The following ANO5 variants were observed in gnomAD, a reference collection of about 807,000 sequenced individuals.
ANO5 encodes anoctamin-5.
In ANO5, 109 loss-of-function variants were observed where a neutral mutation model predicts 121.0. The ratio of observed to expected loss-of-function variants is 0.90; its 90% CI spans 0.77 to 1.06. The LOEUF (loss-of-function observed/expected upper bound fraction) is 1.06. Among genes scored for constraint, ANO5 ranks in the 50% least tolerant of loss-of-function variants. The pLI is 0.00. For missense variants in ANO5, 1,064 were observed against 1,078.5 expected, an observed-to-expected ratio of 0.99 and a Z score of 0.19; for synonymous variants, 406 against 359.9, an observed-to-expected ratio of 1.13 and a Z score of -1.45.
intron 19 of ANO5, 126 bp from the exon 20 acceptor site, chr11:22,274,443 G>C (rs1854753243): frequency 1.1e-6 from 1 of 887,686 alleles, no homozygotes; most frequent in Non-Finnish European, 1.7e-6. Context: ...ATATTACTAT[G>C]ATTTATAATA....
At position 22,221,176 on chromosome 11, in the gene ANO5, T is replaced by C. The variant is rs773184465; in HGVS notation, c.260T>C (p.Val87Ala). The change falls in exon 5 of 22, where the codon GTT (valine) becomes GCT (alanine). Residue 87 changes from valine to alanine, a missense_variant. By Grantham distance (64) the Val-to-Ala change is moderately conservative. Coordinates refer to ENST00000324559, the MANE Select transcript of ANO5 (RefSeq NM_213599.3). ...IRQIDFVLSY[V>A]DDVKKDAELK... ...CAAATTGATTTTGTGCTTTCCTACG[T>C]TGATGATGTAAAGAAAGACGCAGAG... 3 of 1,611,830 alleles carry C rather than the reference T, an allele frequency of 1.9e-6. No homozygotes were observed. Among genetic ancestry groups the C allele is most frequent in the Non-Finnish European group, 2.5e-6 (3 of 1,178,534 alleles).
intron 17 of ANO5, among the ~76,000 whole-genome samples, chr11:22,269,756 CCAGT>C (rs1404934645): frequency 6.6e-6 from 1 of 151,936 alleles, no homozygotes; most frequent in African/African-American, 2.4e-5. Flanking sequence ...TCACCTCAAA[CCAGT>C]CAATGTGATA....
chr11:22,239,665 C>G lies in ANO5; in HGVS notation c.859C>G (p.Gln287Glu), dbSNP rs1554927050. 3 of 1,607,470 alleles carry G rather than the reference C, an allele frequency of 1.9e-6. No individual in the cohort carries two copies. Among genetic ancestry groups the G allele is most frequent in the Non-Finnish European group, 2.6e-6 (3 of 1,174,184 alleles). ...WARFSYFYKE[Q>E]PLDLIKNYYG... is the part of the protein sequence containing the mutation. ...TCGATTTTCCTATTTCTACAAGGAGCAGCCTTTAGACTTGATTAAGTAAGT... is the reference window on the plus strand; with the variant it reads ...TCGATTTTCCTATTTCTACAAGGAGGAGCCTTTAGACTTGATTAAGTAAGT... The change falls in exon 9 of 22, where the codon CAG becomes GAG. Residue 287 changes from glutamine to glutamate, a missense_variant. Transcript: ENST00000324559.
Position 22,257,667 on chromosome 11 carries a change from TTCAATA to T in ANO5, c.1333-11_1333-6del. On this transcript the variant is annotated splice_region_variant and splice_polypyrimidine_tract_variant and intron_variant, in intron 13 of 21. Coordinates refer to ENST00000324559, the MANE Select transcript of ANO5 (RefSeq NM_213599.3). ...AGATTTTGAATTTCTTTGTGATTTC[TTCAATA>T]TTACAGGAGATGGAACCTTACATGC... The T allele has an allele frequency of 2.5e-6, 4 of 1,598,858 alleles. No homozygotes were observed. The highest frequency in any genetic ancestry group is 3.4e-6 in the Non-Finnish European group (4 of 1,166,410).
In ANO5 at chr11:22,250,764, T is replaced by C. The variant is rs780757875; in HGVS notation, c.1037T>C (p.Ile346Thr). Residue 346 changes from isoleucine (I) to threonine (T), a missense_variant, in exon 11 of 22, where the codon ATT (isoleucine) becomes ACT (threonine). Physicochemically the swap from Ile to Thr is moderately conservative, Grantham distance 89. Transcript: ENST00000324559. ...AGCACTGAAATCTGTGACCCTGAGA[T>C]TGGTGGTCAGATGATCATGTGCCCA... ...TSSTEICDPE[I>T]GGQMIMCPLC... is the part of the protein sequence containing the mutation. The C allele has an allele frequency of 3.1e-6, 5 of 1,613,954 alleles. No homozygotes were observed. The highest frequency in any genetic ancestry group is 3.4e-6 in the Non-Finnish European group (4 of 1,179,940).
intron 21 of ANO5, chr11:22,277,844 A>G (rs1002684595): frequency 2.0e-5 from 3 of 151,480 alleles, no homozygotes; most frequent in African/African-American, 2.4e-5. Context: ...TGAAGACTAA[A>G]TTTTCTGCAA....
At position 22,283,167 on chromosome 11, in the gene ANO5, T is replaced by C. The variant is rs1390821593; in HGVS notation, c.*3402T>C. On this transcript the variant is annotated 3_prime_UTR_variant, in exon 22 of 22. Coordinates refer to ENST00000324559, the MANE Select transcript of ANO5 (RefSeq NM_213599.3). ...GGTTTGACTGGGTGTATCTCTCCTATGTGTGACATTATGTCTCCTGGTGTT... is the reference window on the plus strand; with the variant it reads ...GGTTTGACTGGGTGTATCTCTCCTACGTGTGACATTATGTCTCCTGGTGTT... The C allele has an allele frequency of 1.3e-5, 2 of 152,254 alleles. No individual in the cohort carries two copies. The highest frequency in any genetic ancestry group is 4.8e-5 in the African/African-American group (2 of 41,476). 9.4% of individuals were successfully genotyped at this position (152,254 alleles called of 1,614,324 possible).
chr11:22,262,435 T>C (rs1226820501), intron 16 of ANO5, 137 bp downstream of exon 16: 3 of 874,992 alleles, frequency 3.4e-6, no homozygotes, highest in African/African-American at 3.4e-5. Context: ...CAGAGAGTAT[T>C]GTTCACAGAT....
intron 7 of ANO5, among the ~76,000 whole-genome samples, chr11:22,234,689 A>G (rs1853156314): frequency 2.0e-5 from 3 of 152,188 alleles, no homozygotes; most frequent in Admixed American, 2.0e-4. Flanking sequence ...TTTTGGCACC[A>G]GGGAAAATCT....
At chr11:22,269,616 A>G (rs1854536366) in intron 17 of ANO5, among the ~76,000 whole-genome samples, 1 of 152,052 alleles carries the variant, frequency 6.6e-6, no homozygotes, top group Non-Finnish European at 1.5e-5. Flanking sequence ...CTAGGATTTT[A>G]GTAGATATTT....
chr11:22,225,848 G>A, intron 5 of ANO5, 136 bp from the exon 6 acceptor site: 3 of 661,472 alleles, frequency 4.5e-6, no homozygotes, highest in Non-Finnish European at 8.1e-6. Context: ...ACATTCAGAT[G>A]GAGCATTTTT....
intron 3 of ANO5, among the ~76,000 whole-genome samples, chr11:22,214,204 C>T (rs12277755): frequency 0.68 from 103,292 of 151,782 alleles, 37,022 homozygotes; most frequent in Non-Finnish European, 0.81. Context: ...CATCACTTGG[C>T]TGGAAGCTTT....
chr11:22,270,323 A>AT lies in ANO5; in HGVS notation c.1912dup (p.Trp638LeufsTer12). ...ATCACTTCCAACAGCTTGGCTTTGAATTGGTGGAGACGCCGAAAAGCTCGG... is the reference window on the plus strand; with the variant it reads ...ATCACTTCCAACAGCTTGGCTTTGAATTTGGTGGAGACGCCGAAAAGCTCGG... On this transcript the variant is annotated frameshift_variant, in exon 18 of 22. Coordinates refer to ENST00000324559, the MANE Select transcript of ANO5 (RefSeq NM_213599.3). LOFTEE classifies it high-confidence loss of function. The AT allele has an allele frequency of 6.2e-7, 1 of 1,614,086 alleles. No homozygotes were observed. The highest frequency in any genetic ancestry group is 1.1e-5 in the South Asian group (1 of 91,084).
chr11:22,275,998 G>T, intron 20 of ANO5, 96 bp from the exon 21 acceptor site: 10 of 807,572 alleles, frequency 1.2e-5, no homozygotes, highest in Non-Finnish European at 2.1e-5. Context: ...CAACTAGAAA[G>T]GTCTGTTAAG....
chr11:22,194,582 A>C (rs1458494048), intron 1 of ANO5, among the ~76,000 whole-genome samples: 1 of 152,142 alleles, frequency 6.6e-6, no homozygotes, highest in East Asian at 1.9e-4. Flanking sequence ...CCAAATAGAA[A>C]CCTCTTAGGC....
chr11:22,239,673 A>C lies in ANO5; in HGVS notation c.867A>C (p.Leu289Phe). ...RFSYFYKEQP[L>F]DLIKNYYGEK... ...CCTATTTCTACAAGGAGCAGCCTTT[A>C]GACTTGATTAAGTAAGTTTCATACA... Residue 289 changes from leucine to phenylalanine, a missense_variant, in exon 9 of 22, where the codon TTA becomes TTC. Transcript: ENST00000324559. 6.2e-7 allele frequency: 1 copy of C among 1,601,652 alleles called. No individual in the cohort carries two copies.
chr11:22,236,439 C>A (rs1853223743), intron 8 of ANO5, among the ~76,000 whole-genome samples, 163 bp downstream of exon 8: 1 of 152,114 alleles, frequency 6.6e-6, no homozygotes, highest in African/African-American at 2.4e-5. Flanking sequence ...ACGAGCTATG[C>A]TGAGATATAT....
intron 8 of ANO5, among the ~76,000 whole-genome samples, chr11:22,236,514 CTT>C (rs1227619344): frequency 1.3e-5 from 2 of 152,104 alleles, no homozygotes; most frequent in Non-Finnish European, 2.9e-5. Context: ...TTGCACATGA[CTT>C]TTTATTAGAA....
intron 7 of ANO5, among the ~76,000 whole-genome samples, chr11:22,235,436 C>G (rs552098216): frequency 6.6e-6 from 1 of 151,534 alleles, no homozygotes; most frequent in African/African-American, 2.4e-5. Context: ...GATGATGATT[C>G]AAGAACTACA....
Sources: allele counts gnomAD v4.1 joint callset (sites outside exome capture counted in the v4.1 genomes callset), GRCh38; gene constraint gnomAD v4.1.1; transcripts MANE v1.5; gene names NCBI Gene and HGNC (gene_info 2026-07-23, HGNC 2026-07-21).